The following TOX variants were observed in gnomAD, a reference collection of about 807,000 sequenced individuals.
TOX encodes thymocyte selection associated high mobility group box, also known as thymocyte selection-associated high mobility group box protein TOX.
Under a neutral mutation model 53.7 loss-of-function variants are expected in TOX, and 11 were observed. That is an observed-to-expected ratio of 0.20 (90% CI 0.13 to 0.34). TOX has a LOEUF of 0.34. TOX is among the 10% of genes least tolerant of loss of function. The pLI, the probability that TOX is intolerant of heterozygous loss-of-function variation, is 1.00. For missense variants in TOX, 570 were observed against 664.6 expected (o/e 0.86, Z 1.56); for synonymous variants, 225 against 245.3 (o/e 0.92, Z 0.77).
intron 1 of TOX, among the ~76,000 whole-genome samples, chr8:58,981,484 C>T (rs1361761865): frequency 6.6e-6 from 1 of 152,100 alleles, no homozygotes; most frequent in Non-Finnish European, 1.5e-5. Context: ...TTAGTCCCTG[C>T]TTCAAAATCA....
At chr8:58,900,337 C>A (rs1162476975) in intron 3 of TOX, among the ~76,000 whole-genome samples, 1 of 151,960 alleles carries the variant, frequency 6.6e-6, no homozygotes, top group Non-Finnish European at 1.5e-5. Flanking sequence ...TCTATACACA[C>A]AAGTAGATGA....
chr8:58,904,091 C>A (rs1324658606), intron 3 of TOX, among the ~76,000 whole-genome samples: 1 of 152,088 alleles, frequency 6.6e-6, no homozygotes. Context: ...TAAAAAGATT[C>A]ATGGTATATT....
chr8:58,926,639 TTCC>T (rs1360024983), intron 3 of TOX, among the ~76,000 whole-genome samples: 2 of 152,252 alleles, frequency 1.3e-5, no homozygotes, highest in Non-Finnish European at 2.9e-5. Flanking sequence ...CCTAGAATTT[TTCC>T]TCCTTTTATT....
intron 3 of TOX, among the ~76,000 whole-genome samples, chr8:58,884,295 T>C (rs1811433503): frequency 6.6e-6 from 1 of 152,158 alleles, no homozygotes; most frequent in African/African-American, 2.4e-5. Context: ...TACATATGCA[T>C]TGATTTTTCC....
intron 1 of TOX, among the ~76,000 whole-genome samples, chr8:59,107,493 A>C (rs1183658553): frequency 1.3e-5 from 2 of 152,230 alleles, no homozygotes; most frequent in Non-Finnish European, 2.9e-5. Context: ...ATTTGAAACA[A>C]GTTAATACTA....
At chr8:59,097,384 A>G (rs879773101) in intron 1 of TOX, among the ~76,000 whole-genome samples, 1 of 152,024 alleles carries the variant, frequency 6.6e-6, no homozygotes, top group Non-Finnish European at 1.5e-5. Flanking sequence ...AACAGCAACT[A>G]ATGTTTCTGA....
chr8:58,894,062 T>C (rs1425760892), intron 3 of TOX, among the ~76,000 whole-genome samples: 1 of 152,248 alleles, frequency 6.6e-6, no homozygotes, highest in African/African-American at 2.4e-5. Context: ...GGAAACTTGA[T>C]TCCCAAGAAT....
At chr8:58,912,399 G>T (rs1360156230) in intron 3 of TOX, among the ~76,000 whole-genome samples, 2 of 152,076 alleles carry the variant, frequency 1.3e-5, no homozygotes, top group Admixed American at 1.3e-4. Context: ...TCTTTGTCTG[G>T]GTTTACTATG....
At chr8:59,027,450 GT>G (rs60091622) in intron 1 of TOX, among the ~76,000 whole-genome samples, 8 of 120,548 alleles carry the variant, frequency 6.6e-5, no homozygotes, top group Admixed American at 1.8e-4. Flanking sequence ...TAGGAACAAG[GT>G]TTTTTTTTTT....
At chr8:59,115,644 A>G (rs1038047300) in intron 1 of TOX, among the ~76,000 whole-genome samples, 1 of 152,208 alleles carries the variant, frequency 6.6e-6, no homozygotes, top group African/African-American at 2.4e-5. Flanking sequence ...ATTAGGCTGC[A>G]AGAGGTGAAT....
At chr8:58,870,465 A>T (rs1464717023) in intron 3 of TOX, among the ~76,000 whole-genome samples, 1 of 152,166 alleles carries the variant, frequency 6.6e-6, no homozygotes, top group Non-Finnish European at 1.5e-5. Context: ...TCAGTTCTTA[A>T]CTTAATCGAT....
intron 1 of TOX, among the ~76,000 whole-genome samples, chr8:59,020,533 T>C (rs1160291087): frequency 6.6e-6 from 1 of 152,190 alleles, no homozygotes; most frequent in Non-Finnish European, 1.5e-5. Context: ...ATTTAAGATA[T>C]AGCTCCTGTC....
chr8:59,035,366 C>T (rs1383566692), intron 1 of TOX, among the ~76,000 whole-genome samples: 5 of 151,970 alleles, frequency 3.3e-5, no homozygotes, highest in Non-Finnish European at 7.4e-5. Context: ...GTCTACCTTC[C>T]ATTCCTTATT....
chr8:58,906,936 T>C (rs981985902), intron 3 of TOX, among the ~76,000 whole-genome samples: 3 of 152,256 alleles, frequency 2.0e-5, no homozygotes, highest in South Asian at 2.1e-4. Flanking sequence ...ACACTGTTTC[T>C]GATTGTCTTG....
intron 1 of TOX, among the ~76,000 whole-genome samples, chr8:59,028,321 T>C (rs1585973735): frequency 1.3e-5 from 2 of 152,076 alleles, no homozygotes; most frequent in East Asian, 1.9e-4. Flanking sequence ...ATGGCTATAA[T>C]ACGAGCTACA....
intron 1 of TOX, among the ~76,000 whole-genome samples, chr8:59,049,160 G>A (rs1803743503): frequency 6.6e-6 from 1 of 151,512 alleles, no homozygotes; most frequent in Non-Finnish European, 1.5e-5. Flanking sequence ...TAAAACATCT[G>A]AACTATATTT....
intron 3 of TOX, among the ~76,000 whole-genome samples, chr8:58,903,987 C>T (rs1191843650): frequency 1.3e-5 from 2 of 152,154 alleles, no homozygotes; most frequent in East Asian, 1.9e-4. Flanking sequence ...TGAGCAAACA[C>T]TATTAAAATG....
At chr8:58,953,595 C>G (rs550438224) in intron 2 of TOX, among the ~76,000 whole-genome samples, 6 of 152,278 alleles carry the variant, frequency 3.9e-5, no homozygotes, top group African/African-American at 1.4e-4. Context: ...CGGGACTGCA[C>G]AGAGTAATCA....
chr8:59,039,469 C>T (rs778824212), intron 1 of TOX, among the ~76,000 whole-genome samples: 1 of 152,170 alleles, frequency 6.6e-6, no homozygotes, highest in Non-Finnish European at 1.5e-5. Context: ...AGTGAACAAG[C>T]AGACAGCTGA....
Sources: gnomAD v4.1 joint callset for allele counts (sites outside exome capture counted in the v4.1 genomes callset) on GRCh38, gnomAD v4.1.1 for gene constraint, MANE v1.5 for transcripts, NCBI Gene and HGNC (gene_info 2026-07-23, HGNC 2026-07-21) for gene names.